Variants in GRM5 observed in about 807,000 individuals in gnomAD.
GRM5 encodes metabotropic glutamate receptor 5.
GRM5 carries 19 observed loss-of-function variants against 83.1 expected under a neutral mutation model. That is an observed-to-expected ratio of 0.23 (90% CI 0.16 to 0.34). The LOEUF is 0.34. Ranked by LOEUF, GRM5 falls within the 10% of genes least tolerant of loss-of-function variation. The pLI is 1.00. For synonymous variants in GRM5, 675 were observed against 633.6 expected (o/e 1.07, Z -0.98); for missense variants, 1,160 against 1,588.3 (o/e 0.73, Z 4.58).
At chr11:88,846,027 G>A (rs1944298919) in intron 3 of GRM5, among the ~76,000 whole-genome samples, 1 of 152,120 alleles carries the variant, frequency 6.6e-6, no homozygotes, top group Non-Finnish European at 1.5e-5. Flanking sequence ...TATTGATGTA[G>A]ATTGACCTCT....
chr11:88,987,686 A>G (rs1472091433), intron 2 of GRM5, among the ~76,000 whole-genome samples: 1 of 152,090 alleles, frequency 6.6e-6, no homozygotes, highest in Non-Finnish European at 1.5e-5. Context: ...CTGCCTCCTC[A>G]AGTGGATCCC....
At chr11:88,670,147 G>GA (rs1940154005) in intron 3 of GRM5, among the ~76,000 whole-genome samples, 1 of 151,758 alleles carries the variant, frequency 6.6e-6, no homozygotes, top group Non-Finnish European at 1.5e-5. Flanking sequence ...AAAGAAGTAG[G>GA]AAAAAATGTT....
At chr11:88,643,253 G>A (rs1030801984) in intron 4 of GRM5, among the ~76,000 whole-genome samples, 1 of 107,214 alleles carries the variant, frequency 9.3e-6, no homozygotes, top group Non-Finnish European at 2.1e-5. Flanking sequence ...ACAGAGTAGG[G>A]TAGAGGTATG....
chr11:88,701,084 G>C (rs920357883), intron 3 of GRM5, among the ~76,000 whole-genome samples: 7 of 152,076 alleles, frequency 4.6e-5, no homozygotes, highest in African/African-American at 1.4e-4. Flanking sequence ...CCCAAGGAGG[G>C]AATGCTTCCA....
At chr11:88,747,703 A>AG in intron 3 of GRM5, among the ~76,000 whole-genome samples, 1 of 102,892 alleles carries the variant, frequency 9.7e-6, no homozygotes, top group East Asian at 3.8e-4. Flanking sequence ...CCGGCTATCC[A>AG]GGAAAAAAAA....
At chr11:88,691,130 G>A (rs555102554) in intron 3 of GRM5, among the ~76,000 whole-genome samples, 5 of 152,266 alleles carry the variant, frequency 3.3e-5, no homozygotes, top group Non-Finnish European at 7.4e-5. Context: ...CTGGGAAGAG[G>A]GCTGGATGAG....
chr11:88,963,887 G>C (rs1373659714), intron 2 of GRM5, among the ~76,000 whole-genome samples: 1 of 152,126 alleles, frequency 6.6e-6, no homozygotes, highest in Non-Finnish European at 1.5e-5. Context: ...TACTTGGAAA[G>C]AAAACTCCTT....
At chr11:88,640,289 A>G (rs567161716) in intron 4 of GRM5, among the ~76,000 whole-genome samples, 1 of 152,264 alleles carries the variant, frequency 6.6e-6, no homozygotes, top group South Asian at 2.1e-4. Flanking sequence ...AATGTCTGTT[A>G]TTATTGTTCT....
intron 2 of GRM5, among the ~76,000 whole-genome samples, chr11:88,931,870 GATAT>G (rs2135648542): frequency 6.6e-6 from 1 of 152,112 alleles, no homozygotes; most frequent in Non-Finnish European, 1.5e-5. Context: ...TACTGTCTCT[GATAT>G]ATAAACACAT....
rs1314774706 is a variant in GRM5 at position 88,919,694 on chromosome 11, AAG to A, written c.662-69541_662-69540del. On this transcript the variant is annotated intron_variant, in intron 2 of 9. Coordinates refer to ENST00000305447, the MANE Select transcript of GRM5 (RefSeq NM_001143831.3). ...AATTAAAAGAAAATGAGATCATATC[AAG>A]TGTTTTCTCAGAGAACAACAGAATA... is the stretch of plus-strand genomic sequence containing the variant. Among the ~76,000 whole-genome samples the A allele has an allele frequency of 5.9e-5, 9 of 152,200 alleles. No homozygotes were observed. The East Asian group carries it at 1.5e-3, about 26-fold the overall frequency.
At chr11:89,052,837 A>G (rs1393331324) in intron 1 of GRM5, among the ~76,000 whole-genome samples, 5 of 152,154 alleles carry the variant, frequency 3.3e-5, no homozygotes, top group Admixed American at 2.6e-4. Flanking sequence ...AGGATTTCAG[A>G]TTTTTAATTT....
intron 5 of GRM5, among the ~76,000 whole-genome samples, chr11:88,603,383 C>T (rs1297320333): frequency 6.6e-6 from 1 of 152,190 alleles, no homozygotes; most frequent in East Asian, 1.9e-4. Context: ...TAGAGATGCA[C>T]ATGGGAATAA....
chr11:88,881,635 G>T (rs955131429), intron 2 of GRM5, among the ~76,000 whole-genome samples: 2 of 152,114 alleles, frequency 1.3e-5, no homozygotes, highest in African/African-American at 2.4e-5. Context: ...AGTAACAAAG[G>T]ATGAAAACCA....
intron 3 of GRM5, among the ~76,000 whole-genome samples, chr11:88,786,864 C>T (rs1445000980): frequency 6.6e-6 from 1 of 151,918 alleles, no homozygotes; most frequent in Non-Finnish European, 1.5e-5. Context: ...AATTGCTGGA[C>T]TCTGGGACAA....
At chr11:88,991,019 T>C (rs898550364) in intron 2 of GRM5, among the ~76,000 whole-genome samples, 2 of 152,066 alleles carry the variant, frequency 1.3e-5, no homozygotes, top group East Asian at 1.9e-4. Flanking sequence ...CCAGGGCAAT[T>C]AGGCAGGAGA....
At chr11:88,725,945 AG>A (rs1197306340) in intron 3 of GRM5, among the ~76,000 whole-genome samples, 2 of 152,194 alleles carry the variant, frequency 1.3e-5, no homozygotes, top group Non-Finnish European at 2.9e-5. Context: ...CAGTGCAAAA[AG>A]GTTGAACATT....
intron 3 of GRM5, among the ~76,000 whole-genome samples, chr11:88,662,713 C>T (rs1303707239): frequency 2.0e-5 from 3 of 152,124 alleles, no homozygotes; most frequent in African/African-American, 7.2e-5. Flanking sequence ...AGAGGAGAAT[C>T]TCCGTTGTTG....
intron 4 of GRM5, among the ~76,000 whole-genome samples, chr11:88,628,223 C>A (rs1178603293): frequency 6.6e-6 from 1 of 152,160 alleles, no homozygotes; most frequent in African/African-American, 2.4e-5. Flanking sequence ...CAACTATTTT[C>A]TACTTATCAT....
chr11:88,651,475 C>T (rs1034460531), intron 4 of GRM5, among the ~76,000 whole-genome samples: 1 of 151,822 alleles, frequency 6.6e-6, no homozygotes. Context: ...TAGAATAGAC[C>T]ACAGAAGGAC....
Sources: allele counts gnomAD v4.1 joint callset (sites outside exome capture counted in the v4.1 genomes callset), GRCh38; gene constraint gnomAD v4.1.1; transcripts MANE v1.5; gene names NCBI Gene and HGNC (gene_info 2026-07-23, HGNC 2026-07-21).